Variants in MGST2 observed in about 807,000 individuals in gnomAD.
MGST2 encodes microsomal glutathione S-transferase 2.
Under a neutral mutation model 16.6 loss-of-function variants are expected in MGST2, and 9 were observed. The observed-to-expected ratio is 0.54, with a 90% confidence interval of 0.33 to 0.95. The LOEUF (loss-of-function observed/expected upper bound fraction) is 0.95, where lower values mean the gene tolerates loss of function less well. Among genes scored for constraint, MGST2 ranks in the 40% least tolerant of loss-of-function variants. The pLI is 0.03. For missense variants in MGST2, 159 were observed against 175.1 expected (o/e 0.91, Z 0.52); for synonymous variants, 79 against 68.0 (o/e 1.16, Z -0.79).
chr4:139,721,938 T>C (rs1392876583), intron 5 of MGST2, among the ~76,000 whole-genome samples: 1 of 152,138 alleles, frequency 6.6e-6, no homozygotes, highest in East Asian at 1.9e-4. Context: ...TGTGGTGAAA[T>C]GGGTTATTGA....
downstream of MGST2, among the ~76,000 whole-genome samples, chr4:139,704,792 GGTGCCTGTA>G (rs1251394315): frequency 6.6e-6 from 1 of 152,028 alleles, no homozygotes; most frequent in Non-Finnish European, 1.5e-5. Context: ...CATGGTGGCG[GGTGCCTGTA>G]GTCCTAGCTA....
At chr4:139,667,037 G>C (rs1312537770) in intron 1 of MGST2, among the ~76,000 whole-genome samples, 2 of 152,202 alleles carry the variant, frequency 1.3e-5, no homozygotes, top group Non-Finnish European at 2.9e-5. Flanking sequence ...TCTAATTAAA[G>C]AAGCACTTAG....
intron 1 of MGST2, among the ~76,000 whole-genome samples, chr4:139,670,531 G>A (rs1396928696): frequency 6.6e-6 from 1 of 152,224 alleles, no homozygotes; most frequent in African/African-American, 2.4e-5. Context: ...CAGATTATAA[G>A]TGGACTCAGA....
intron 3 of MGST2, among the ~76,000 whole-genome samples, chr4:139,702,412 C>T (rs897831725): frequency 2.2e-4 from 34 of 152,042 alleles, no homozygotes; most frequent in African/African-American, 7.7e-4. Context: ...TCTAGAACTT[C>T]GTATAATTGG....
intron 1 of MGST2, among the ~76,000 whole-genome samples, chr4:139,674,468 G>GT (rs569060254): frequency 0.031 from 4,489 of 144,182 alleles, 138 homozygotes; most frequent in African/African-American, 0.089. Flanking sequence ...GAGCTATGTA[G>GT]TTTTTTTTTT....
the MGST2 span, among the ~76,000 whole-genome samples, chr4:139,751,747 A>ATACACTCAGCCTGGAGG: frequency 6.6e-6 from 1 of 152,212 alleles, no homozygotes; most frequent in African/African-American, 2.4e-5. Flanking sequence ...GGAGGAGGAA[A>ATACACTCAGCCTGGAGG]GAGGACACTG....
At chr4:139,692,554 G>A (rs1233323861) in intron 2 of MGST2, among the ~76,000 whole-genome samples, 3 of 152,258 alleles carry the variant, frequency 2.0e-5, no homozygotes, top group Non-Finnish European at 2.9e-5. Flanking sequence ...GACTCTCCCC[G>A]ACTTTGTCTC....
chr4:139,705,212 C>G (rs911737403), downstream of MGST2, among the ~76,000 whole-genome samples: 3 of 152,192 alleles, frequency 2.0e-5, no homozygotes, highest in Non-Finnish European at 4.4e-5. Context: ...AGTCAACTCA[C>G]AGGAAGATAG....
rs1247773237 is a variant in MGST2, at chr4:139,735,053, G to A, written c.*49-5159G>A. Among the ~76,000 whole-genome samples, 1 of 152,162 alleles carries A rather than the reference G, an allele frequency of 6.6e-6. No homozygotes were observed. Among genetic ancestry groups the A allele is most frequent in the Non-Finnish European group, 1.5e-5 (1 of 68,020 alleles). The stretch of plus-strand genomic sequence containing the variant: ...CCTCCCCTCGCAGATGGCTTAATCA[G>A]GGCTCCCGCCCGCCCCTCCGCGGCC... On this transcript the variant is annotated intron_variant, in intron 5 of 5. Transcript: ENST00000616265. The surrounding 1 kb of genome is among the most constrained non-coding windows in gnomAD (Gnocchi z 5.8).
chr4:139,737,938 C>A (rs1019506335), intron 5 of MGST2, among the ~76,000 whole-genome samples: 6 of 152,172 alleles, frequency 3.9e-5, no homozygotes, highest in Non-Finnish European at 7.3e-5. Context: ...GAGTTTGAGG[C>A]AGAGTTCATC....
intron 5 of MGST2, among the ~76,000 whole-genome samples, chr4:139,729,284 C>T (rs779651607): frequency 6.6e-5 from 10 of 151,876 alleles, no homozygotes; most frequent in Non-Finnish European, 1.2e-4. Flanking sequence ...TCCATGGGCC[C>T]GTGTCCTACA....
the MGST2 span, among the ~76,000 whole-genome samples, chr4:139,751,231 A>G: frequency 6.6e-6 from 1 of 152,336 alleles, no homozygotes; most frequent in East Asian, 1.9e-4. Flanking sequence ...CTACTATGAT[A>G]CTTAAAATAT....
chr4:139,703,074 C>T (rs998856129), intron 3 of MGST2, among the ~76,000 whole-genome samples: 2 of 151,296 alleles, frequency 1.3e-5, no homozygotes, highest in Admixed American at 6.6e-5. Context: ...TGCAGGTGCC[C>T]GCCACCATGC....
At chr4:139,701,993 G>C (rs932677991) in intron 3 of MGST2, among the ~76,000 whole-genome samples, 5 of 151,476 alleles carry the variant, frequency 3.3e-5, no homozygotes, top group African/African-American at 1.2e-4. Context: ...ATGCGGCCAA[G>C]TAAAATAATA....
At chr4:139,693,193 G>A (rs944206348) in intron 2 of MGST2, among the ~76,000 whole-genome samples, 2 of 151,980 alleles carry the variant, frequency 1.3e-5, no homozygotes, top group African/African-American at 2.4e-5. Flanking sequence ...CGAGGTGGGC[G>A]GATCACGAGG....
At chr4:139,691,006 C>T (rs1053907605) in intron 2 of MGST2, among the ~76,000 whole-genome samples, 3 of 152,188 alleles carry the variant, frequency 2.0e-5, no homozygotes, top group Non-Finnish European at 4.4e-5. Context: ...AGTTTTAGCA[C>T]TTAAAGCTCC....
chr4:139,720,018 C>T (rs1256781461), intron 5 of MGST2: 1 of 1,614,100 alleles, frequency 6.2e-7, no homozygotes, highest in Non-Finnish European at 8.5e-7. Context: ...ATTCCAACCC[C>T]CTGCCCAGAG....
chr4:139,739,443 G>C (rs1279665484), intron 5 of MGST2, among the ~76,000 whole-genome samples: 1 of 152,218 alleles, frequency 6.6e-6, no homozygotes, highest in Non-Finnish European at 1.5e-5. Flanking sequence ...GTCTGCCTTT[G>C]ATGTAAGTTA....
intron 3 of MGST2, among the ~76,000 whole-genome samples, chr4:139,695,802 T>C (rs1255463847): frequency 6.6e-6 from 1 of 152,166 alleles, no homozygotes; most frequent in Non-Finnish European, 1.5e-5. Flanking sequence ...TACTCAAGAA[T>C]GAGAACGACA....
Sources: allele counts gnomAD v4.1 joint callset (sites outside exome capture counted in the v4.1 genomes callset), GRCh38; gene constraint gnomAD v4.1.1; non-coding constraint Gnocchi (gnomAD v3.1); transcripts MANE v1.5; gene names NCBI Gene and HGNC (gene_info 2026-07-23, HGNC 2026-07-21).